The following BAALC variants were observed in gnomAD, a reference collection of about 807,000 sequenced individuals.
BAALC encodes the protein BAALC binder of MAP3K1 and KLF4.
A neutral mutation model predicts 15.5 loss-of-function variants in BAALC; 9 were observed. That is an observed-to-expected ratio of 0.58 (90% CI 0.35 to 1.02). BAALC has a LOEUF of 1.02. BAALC is among the 50% of genes least tolerant of loss of function. The pLI, the probability that BAALC is intolerant of heterozygous loss-of-function variation, is 0.02. For synonymous variants in BAALC, 80 were observed against 74.6 expected, an observed-to-expected ratio of 1.07 and a Z score of -0.37; for missense variants, 201 against 192.4, an observed-to-expected ratio of 1.04 and a Z score of -0.27.
rs528237651 is a variant in BAALC, at chr8:103,163,819, T to C, written c.160+22762T>C. On this transcript the variant is annotated intron_variant, in intron 1 of 2. Transcript: ENST00000309982. ...AAATCACAAGCTCAGTTGAATTTTG[T>C]GTATTTATCACACAGAAAATCCTTC... Among the ~76,000 whole-genome samples, 100 of 152,292 alleles carry C rather than the reference T, an allele frequency of 6.6e-4. 1 individual carries two copies. In the South Asian group the frequency reaches 0.012, roughly 18 times the overall value.
chr8:103,164,064 G>A (rs2129915758), intron 1 of BAALC, among the ~76,000 whole-genome samples: 1 of 152,316 alleles, frequency 6.6e-6, no homozygotes, highest in African/African-American at 2.4e-5. Flanking sequence ...AGAGTGACTG[G>A]AGATGGGGAA....
intron 1 of BAALC, among the ~76,000 whole-genome samples, chr8:103,179,982 C>A (rs1811689744): frequency 1.3e-5 from 2 of 152,124 alleles, no homozygotes; most frequent in African/African-American, 4.8e-5. Flanking sequence ...GTTCCTGGCG[C>A]AGAGGGAATG....
intron 1 of BAALC, among the ~76,000 whole-genome samples, chr8:103,185,490 C>A (rs1811814818): frequency 6.6e-6 from 1 of 152,194 alleles, no homozygotes; most frequent in East Asian, 1.9e-4. Context: ...TTTATACACA[C>A]ATAATTTATC....
At chr8:103,222,976 C>A (rs1007463807) in intron 2 of BAALC, among the ~76,000 whole-genome samples, 1 of 152,118 alleles carries the variant, frequency 6.6e-6, no homozygotes, top group Non-Finnish European at 1.5e-5. Context: ...TTTGCTGGGG[C>A]CTGAGTAGGT....
At chr8:103,199,617 T>A (rs1255500131) in intron 1 of BAALC, among the ~76,000 whole-genome samples, 1 of 152,186 alleles carries the variant, frequency 6.6e-6, no homozygotes, top group East Asian at 1.9e-4. Context: ...CAAAATATAT[T>A]TCTTACATCT....
At chr8:103,216,206 T>C (rs180708531) in intron 2 of BAALC, among the ~76,000 whole-genome samples, 68 of 152,354 alleles carry the variant, frequency 4.5e-4, no homozygotes, top group Admixed American at 1.8e-3. Flanking sequence ...TTTGGGGCTA[T>C]TGTGAACAAT....
intron 1 of BAALC, among the ~76,000 whole-genome samples, chr8:103,205,039 T>G (rs1272856050): frequency 1.3e-5 from 2 of 152,194 alleles, no homozygotes; most frequent in African/African-American, 4.8e-5. Context: ...CTTTCCATAT[T>G]GATTGCCAAT....
chr8:103,178,148 T>C (rs981023019), intron 1 of BAALC, among the ~76,000 whole-genome samples: 2 of 152,230 alleles, frequency 1.3e-5, no homozygotes, highest in Admixed American at 1.3e-4. Context: ...TGTTAAAAAC[T>C]TAATTATCAT....
chr8:103,164,662 C>G (rs1272436970), intron 1 of BAALC, among the ~76,000 whole-genome samples: 1 of 152,188 alleles, frequency 6.6e-6, no homozygotes, highest in African/African-American at 2.4e-5. Flanking sequence ...CCTTCCTTCT[C>G]TATGTATTTA....
At chr8:103,174,957 C>A (rs13269490) in intron 1 of BAALC, among the ~76,000 whole-genome samples, 102 of 152,316 alleles carry the variant, frequency 6.7e-4, no homozygotes, top group Non-Finnish European at 1.3e-3. Context: ...AAAATGGTAA[C>A]CACTGCTAAA....
At chr8:103,147,748 C>T (rs1810907300) in intron 1 of BAALC, among the ~76,000 whole-genome samples, 1 of 152,202 alleles carries the variant, frequency 6.6e-6, no homozygotes, top group African/African-American at 2.4e-5. Flanking sequence ...GGCCTACAGC[C>T]TCGAGACACT....
chr8:103,222,553 C>T (rs1812701777), intron 2 of BAALC, among the ~76,000 whole-genome samples: 1 of 152,162 alleles, frequency 6.6e-6, no homozygotes, highest in Non-Finnish European at 1.5e-5. Flanking sequence ...TCCTCAATTG[C>T]AACGACTACC....
intron 1 of BAALC, among the ~76,000 whole-genome samples, chr8:103,206,627 A>G (rs1041115592): frequency 1.3e-5 from 2 of 152,178 alleles, no homozygotes; most frequent in South Asian, 4.2e-4. Flanking sequence ...GGGTAGAGAG[A>G]AGGGGAGAGT....
chr8:103,214,560 T>C (rs1053217422), intron 2 of BAALC, among the ~76,000 whole-genome samples: 4 of 152,248 alleles, frequency 2.6e-5, no homozygotes, highest in Non-Finnish European at 4.4e-5. Flanking sequence ...TTCTTGCTCA[T>C]ATCAGTGAGT....
chr8:103,189,600 A>T (rs1200944254), intron 1 of BAALC, among the ~76,000 whole-genome samples: 2 of 152,246 alleles, frequency 1.3e-5, no homozygotes, highest in African/African-American at 4.8e-5. Context: ...TCAGCAAGCA[A>T]GGCACTGATC....
intron 1 of BAALC, among the ~76,000 whole-genome samples, chr8:103,142,988 A>G (rs1211872769): frequency 1.3e-5 from 2 of 152,212 alleles, no homozygotes; most frequent in Non-Finnish European, 1.5e-5. Flanking sequence ...CAGCACCCTG[A>G]AATTGGCAAG....
At chr8:103,171,078 G>A (rs1370819070) in intron 1 of BAALC, among the ~76,000 whole-genome samples, 1 of 151,224 alleles carries the variant, frequency 6.6e-6, no homozygotes, top group Non-Finnish European at 1.5e-5. Context: ...GCTGAACACT[G>A]AGAAATCTAA....
intron 1 of BAALC, among the ~76,000 whole-genome samples, chr8:103,193,028 C>T (rs1812007243): frequency 6.6e-6 from 1 of 152,186 alleles, no homozygotes; most frequent in African/African-American, 2.4e-5. Flanking sequence ...GTGTAGAACT[C>T]CACGATCTGC....
At chr8:103,156,100 T>G (rs1489968328) in intron 1 of BAALC, among the ~76,000 whole-genome samples, 1 of 152,214 alleles carries the variant, frequency 6.6e-6, no homozygotes, top group Non-Finnish European at 1.5e-5. Context: ...CTAGATGATT[T>G]TGAAGCACAG....
Sources: allele counts gnomAD v4.1 joint callset (sites outside exome capture counted in the v4.1 genomes callset), GRCh38; gene constraint gnomAD v4.1.1; transcripts MANE v1.5; gene names NCBI Gene and HGNC (gene_info 2026-07-23, HGNC 2026-07-21).